MICAL3: variants seen among roughly 807,000 people sequenced by gnomAD.
The protein encoded by MICAL3 is [F-actin]-monooxygenase MICAL3.
MICAL3 carries 62 observed loss-of-function variants against 207.4 expected under a neutral mutation model. The ratio of observed to expected loss-of-function variants is 0.30; its 90% CI spans 0.24 to 0.37. MICAL3 has a LOEUF of 0.37. Ranked by LOEUF, MICAL3 falls within the 10% of genes least tolerant of loss-of-function variation. The pLI, the probability that MICAL3 is intolerant of heterozygous loss-of-function variation, is 1.00. For synonymous variants in MICAL3, 1,077 were observed against 1,069.3 expected, an observed-to-expected ratio of 1.01 and a Z score of -0.14; for missense variants, 2,368 against 2,635.6, an observed-to-expected ratio of 0.90 and a Z score of 2.22.
chr22:17,912,765 C>A (rs998324912), intron 1 of MICAL3, among the ~76,000 whole-genome samples: 5 of 152,214 alleles, frequency 3.3e-5, no homozygotes, highest in African/African-American at 1.2e-4. Flanking sequence ...AAGATCATAT[C>A]ATCTACAAAT....
In MICAL3 at chr22:17,817,903, G is replaced by A. The variant is rs755137067; in HGVS notation, c.4758C>T (p.Ser1586=). The A allele has an allele frequency of 2.1e-5, 34 of 1,612,298 alleles. No homozygotes were observed. Among genetic ancestry groups the A allele is most frequent in the African/African-American group, 9.3e-5 (7 of 74,906 alleles). The stretch of plus-strand genomic sequence containing the variant: ...CCTCGGCCAACTCCTTGGCTTCCGC[G>A]GACACCAAGGGCAGCCCCCTCTTCT... The part of the protein sequence containing the change: ...QPQKRGLPLV[S]AEAKELAEER... The change falls in exon 26 of 32, where the codon TCC becomes TCT. Residue 1586 remains serine (S), a synonymous_variant. Coordinates refer to ENST00000441493, the MANE Select transcript of MICAL3 (RefSeq NM_015241.3).
intron 16 of MICAL3, chr22:17,876,891 ATG>A (rs1158619604): frequency 4.2e-5 from 6 of 142,086 alleles, no homozygotes; most frequent in South Asian, 2.1e-4. Context: ...TAGGGAGGTT[ATG>A]GAGGTTAGGG....
chr22:17,797,804 G>A (rs2061892518), intron 29 of MICAL3, among the ~76,000 whole-genome samples: 1 of 152,236 alleles, frequency 6.6e-6, no homozygotes, highest in Non-Finnish European at 1.5e-5. Context: ...CGCTAACCAC[G>A]TGGCAGCCAG....
At position 17,831,915 on chromosome 22, in the gene MICAL3, C is replaced by T. The variant is rs1472558416; in HGVS notation, c.2994G>A (p.Glu998=). The T allele has an allele frequency of 2.6e-6, 4 of 1,509,998 alleles. No homozygotes were observed. Among genetic ancestry groups the T allele is most frequent in the Middle Eastern group, 1.7e-4 (1 of 5,890 alleles). 93.5% of individuals were successfully genotyped at this position (1,509,998 alleles called of 1,614,324 possible). A position where few individuals can be genotyped will look rare whatever the true frequency, so the allele number is the denominator to read the frequency against. The change falls in exon 21 of 32, where the codon GAG becomes GAA. Residue 998 remains glutamate, a synonymous_variant. Transcript: ENST00000441493. The part of the protein sequence containing the change: ...GPGNEEEEEE[E]EEYEEEEEED... ...CCTCCTCCTCCTCTTCATATTCTTC[C>T]TCCTCCTCCTCCTCCTCTTCATTCC...
chr22:17,969,521 C>CT (rs1040403051), intron 1 of MICAL3, among the ~76,000 whole-genome samples: 34 of 152,102 alleles, frequency 2.2e-4, no homozygotes, highest in African/African-American at 7.2e-4. Context: ...AAGACACATG[C>CT]TTTTTTTTCT....
At chr22:18,011,214 A>G (rs450718) in intron 1 of MICAL3, among the ~76,000 whole-genome samples, 26,532 of 152,170 alleles carry the variant, frequency 0.17, 3,611 homozygotes, top group African/African-American at 0.38. Flanking sequence ...CTCTAAAATC[A>G]TCTAGGCCCC....
chr22:17,889,297 C>T, intron 12 of MICAL3, 67 bp from the exon 13 acceptor site: 1 of 1,173,424 alleles, frequency 8.5e-7, no homozygotes, highest in Non-Finnish European at 1.2e-6. Context: ...ACGCAGTATC[C>T]TGGAGTCATC....
chr22:17,864,001 T>G (rs1052042831), intron 19 of MICAL3: 1 of 985,404 alleles, frequency 1.0e-6, no homozygotes, highest in African/African-American at 1.7e-5. Flanking sequence ...ACAGTGACCC[T>G]GGGCCGTGAA....
chr22:17,932,385 T>C (rs1336607377), intron 1 of MICAL3, among the ~76,000 whole-genome samples: 2 of 152,182 alleles, frequency 1.3e-5, no homozygotes, highest in Non-Finnish European at 2.9e-5. Flanking sequence ...CTAAGCTTCA[T>C]AAGTGAAGGA....
chr22:17,881,169 C>CA lies in MICAL3; in HGVS notation c.2241+4708dup, dbSNP rs374682763. On this transcript the variant is annotated intron_variant, in intron 16 of 31. Transcript: ENST00000441493. ...CCACCTACACAGACAGGCAGGCAGA[C>CA]AGAGACAGGAACATGGAGCATGCAG... is the stretch of plus-strand genomic sequence containing the variant. 2.8e-4 allele frequency: 440 copies of CA among 1,547,568 alleles called. 3 individuals carry two copies. In the East Asian group the frequency reaches 6.7e-3, roughly 23 times the overall value.
At chr22:17,832,709 G>C (rs1023886726) in intron 20 of MICAL3, among the ~76,000 whole-genome samples, 1 of 152,108 alleles carries the variant, frequency 6.6e-6, no homozygotes, top group African/African-American at 2.4e-5. Context: ...ACTGCGGCCT[G>C]TCAGAAGCCT....
At chr22:17,953,326 A>G (rs1360692665) in intron 1 of MICAL3, among the ~76,000 whole-genome samples, 1 of 152,160 alleles carries the variant, frequency 6.6e-6, no homozygotes, top group Non-Finnish European at 1.5e-5. Context: ...GTCAGCTCCC[A>G]GCTAATGGAT....
chr22:17,834,931 C>T (rs1253161940), intron 20 of MICAL3, among the ~76,000 whole-genome samples: 1 of 152,246 alleles, frequency 6.6e-6, no homozygotes, highest in East Asian at 1.9e-4. Flanking sequence ...GGAAGGCCCC[C>T]TGGTTCCTCT....
In MICAL3 at chr22:17,900,792, A is replaced by G; in HGVS notation, c.847+50T>C. On this transcript the variant is annotated intron_variant, in intron 6 of 31. Coordinates refer to ENST00000441493, the MANE Select transcript of MICAL3 (RefSeq NM_015241.3). The surrounding 1 kb of genome is among the most constrained non-coding windows in gnomAD (Gnocchi z 4.0). Reference sequence around the variant, plus strand: ...ACCAATCCCCCAAGAAAAAGCCACCAGGGACTATTTAAGTTTCTATCCTAG... The same window carrying G: ...ACCAATCCCCCAAGAAAAAGCCACCGGGGACTATTTAAGTTTCTATCCTAG... 2 of 1,580,140 alleles carry G rather than the reference A, an allele frequency of 1.3e-6. No homozygotes were observed. The highest frequency in any genetic ancestry group is 1.7e-6 in the Non-Finnish European group (2 of 1,152,190).
intron 16 of MICAL3, among the ~76,000 whole-genome samples, chr22:17,878,076 A>T (rs1247756693): frequency 2.6e-5 from 4 of 151,738 alleles, no homozygotes; most frequent in Non-Finnish European, 5.9e-5. Context: ...GATGGTCTCG[A>T]TCTCCTGACC....
chr22:17,903,247 A>G (rs183656691), intron 3 of MICAL3, among the ~76,000 whole-genome samples: 2 of 152,186 alleles, frequency 1.3e-5, no homozygotes, highest in African/African-American at 2.4e-5. Context: ...TCGCAATCCA[A>G]CTAGATCCTC....
At chr22:17,927,016 T>C (rs1014937905) in intron 1 of MICAL3, among the ~76,000 whole-genome samples, 1 of 152,230 alleles carries the variant, frequency 6.6e-6, no homozygotes, top group Admixed American at 6.5e-5. Context: ...TGCACAACCA[T>C]CGCCACTGTC....
chr22:17,857,449 C>T (rs898280273), intron 19 of MICAL3, among the ~76,000 whole-genome samples: 2 of 152,240 alleles, frequency 1.3e-5, no homozygotes, highest in African/African-American at 2.4e-5. Context: ...CTGTCTTCCA[C>T]GAAACCAGAC....
In MICAL3 at chr22:17,906,649, G is replaced by C; in HGVS notation, c.164C>G (p.Ser55Cys). The change falls in exon 2 of 32, where the codon TCC becomes TGC. Residue 55 changes from serine to cysteine, a missense_variant. Ser to Cys is a moderately radical substitution (Grantham distance 112). Around this residue, in one of 4 missense-constraint regions of MICAL3, gnomAD observed 400 missense variants for 547.0 expected, o/e 0.73. Coordinates refer to ENST00000441493, the MANE Select transcript of MICAL3 (RefSeq NM_015241.3). ...TTTGGCTTTCCAGTAGTTAAGCTTG[G>C]ACTTGAGCTTGTGATAGAAGGAGCG... ...DYRSFYHKLK[S>C]KLNYWKAKAL... The C allele has an allele frequency of 6.2e-7, 1 of 1,614,016 alleles. No homozygotes were observed. Among genetic ancestry groups the C allele is most frequent in the Non-Finnish European group, 8.5e-7 (1 of 1,179,882 alleles).
Sources: allele counts gnomAD v4.1 joint callset (sites outside exome capture counted in the v4.1 genomes callset), GRCh38; gene constraint gnomAD v4.1.1; regional missense constraint gnomAD v4.1.1; non-coding constraint Gnocchi (gnomAD v3.1); transcripts MANE v1.5; gene names NCBI Gene and HGNC (gene_info 2026-07-23, HGNC 2026-07-21).